PRKN: variants seen among roughly 807,000 people sequenced by gnomAD.
PRKN encodes parkin RBR E3 ubiquitin protein ligase.
Under a neutral mutation model 59.5 loss-of-function variants are expected in PRKN, and 56 were observed. The ratio of observed to expected loss-of-function variants is 0.94; its 90% CI spans 0.76 to 1.18. The LOEUF (loss-of-function observed/expected upper bound fraction) is 1.18, where lower values mean the gene tolerates loss of function less well. Among genes scored for constraint, PRKN ranks in the 50% most tolerant of loss-of-function variants. The pLI is 0.00. For missense variants in PRKN, 657 were observed against 596.4 expected, an observed-to-expected ratio of 1.10 and a Z score of -1.06; for synonymous variants, 250 against 222.1, an observed-to-expected ratio of 1.13 and a Z score of -1.12.
chr6:161,840,565 G>T (rs770456216), intron 6 of PRKN, among the ~76,000 whole-genome samples: 1 of 152,138 alleles, frequency 6.6e-6, no homozygotes, highest in Admixed American at 6.5e-5. Flanking sequence ...AGCCTAGTAC[G>T]TGTCAGTTAT....
At chr6:161,374,294 G>A (rs966208087) in intron 10 of PRKN, among the ~76,000 whole-genome samples, 5 of 151,390 alleles carry the variant, frequency 3.3e-5, no homozygotes, top group Admixed American at 1.3e-4. Flanking sequence ...ATGTGTGTGT[G>A]GTATATGTGG....
At chr6:162,142,752 G>A (rs1359918077) in intron 4 of PRKN, among the ~76,000 whole-genome samples, 1 of 152,166 alleles carries the variant, frequency 6.6e-6, no homozygotes, top group Non-Finnish European at 1.5e-5. Flanking sequence ...CACCTACCAT[G>A]CTGAGCACTT....
At chr6:162,021,433 C>T (rs1306109785) in intron 5 of PRKN, among the ~76,000 whole-genome samples, 1 of 102,486 alleles carries the variant, frequency 9.8e-6, no homozygotes, top group East Asian at 2.7e-4. Context: ...CCCGGCATTA[C>T]AGGGAATATA....
chr6:162,241,333 A>G (rs1328304252), intron 3 of PRKN, among the ~76,000 whole-genome samples: 6 of 152,174 alleles, frequency 3.9e-5, no homozygotes, highest in Admixed American at 6.5e-5. Flanking sequence ...TAACGCAAAC[A>G]GTATTTGAGA....
At chr6:161,465,532 A>G (rs1583104366) in intron 9 of PRKN, among the ~76,000 whole-genome samples, 1 of 150,408 alleles carries the variant, frequency 6.6e-6, no homozygotes, top group East Asian at 2.0e-4. Flanking sequence ...TTCTTTCCAT[A>G]TCATTCCATT....
At chr6:162,363,348 T>G (rs1352133650) in intron 2 of PRKN, among the ~76,000 whole-genome samples, 1 of 141,758 alleles carries the variant, frequency 7.1e-6, no homozygotes, top group Admixed American at 7.1e-5. Context: ...TGAAGTTCTG[T>G]GTTACTACTA....
At chr6:161,736,505 C>G (rs1018568279) in intron 7 of PRKN, among the ~76,000 whole-genome samples, 1 of 152,204 alleles carries the variant, frequency 6.6e-6, no homozygotes, top group Non-Finnish European at 1.5e-5. Flanking sequence ...GAGGGAGTTG[C>G]AACCAGCCTG....
intron 2 of PRKN, among the ~76,000 whole-genome samples, chr6:162,278,341 C>G (rs1780725294): frequency 6.6e-6 from 1 of 152,086 alleles, no homozygotes; most frequent in South Asian, 2.1e-4. Context: ...AGTGAAAATA[C>G]TCAGGGTGAT....
At chr6:161,675,703 A>C (rs367580502) in intron 7 of PRKN, among the ~76,000 whole-genome samples, 22 of 152,252 alleles carry the variant, frequency 1.4e-4, no homozygotes, top group African/African-American at 5.1e-4. Flanking sequence ...CTAACCTACT[A>C]TTCCACTTAT....
Position 161,369,442 on chromosome 6 carries a change from G to T in PRKN, c.1168-9237C>A, listed in dbSNP as rs898101730. On this transcript the variant is annotated intron_variant, in intron 10 of 11. Coordinates refer to ENST00000366898, the MANE Select transcript of PRKN (RefSeq NM_004562.3). This position sits in a 1 kb window ranked among gnomAD's most constrained non-coding sequence, Gnocchi z 5.8. ...CCTGAAGAGGAACATGGTGAGCTGGGTAACTTACCCTCTGTTCCCGCCTTA... is the reference window on the plus strand; with the variant it reads ...CCTGAAGAGGAACATGGTGAGCTGGTTAACTTACCCTCTGTTCCCGCCTTA... Among the ~76,000 whole-genome samples, 3 of 152,204 alleles carry T rather than the reference G, an allele frequency of 2.0e-5. No homozygotes were observed. Among genetic ancestry groups the T allele is most frequent in the Non-Finnish European group, 4.4e-5 (3 of 68,046 alleles).
intron 4 of PRKN, among the ~76,000 whole-genome samples, chr6:162,059,097 G>GT (rs1353348257): frequency 2.6e-5 from 4 of 151,760 alleles, no homozygotes; most frequent in Non-Finnish European, 5.9e-5. Flanking sequence ...TATCACAGAT[G>GT]TTTATTTTTT....
rs892134309 is a variant in PRKN at position 162,214,366 on chromosome 6, C to T, written c.413-13114G>A. On this transcript the variant is annotated intron_variant, in intron 3 of 11. Coordinates refer to ENST00000366898, the MANE Select transcript of PRKN (RefSeq NM_004562.3). ...CAGAAACCACAGCACAGACTGCCTC[C>T]TCTCCTTTCTTCAGGGTTGGATGGT... is the stretch of plus-strand genomic sequence containing the variant. Among the ~76,000 whole-genome samples, 10 of 152,278 alleles carry T rather than the reference C, an allele frequency of 6.6e-5. No homozygotes were observed. The East Asian group carries it at 1.9e-3, about 29-fold the overall frequency.
At chr6:161,366,316 C>T (rs1197941589) in intron 10 of PRKN, among the ~76,000 whole-genome samples, 2 of 152,118 alleles carry the variant, frequency 1.3e-5, no homozygotes, top group Non-Finnish European at 2.9e-5. Context: ...AAGAGGCACC[C>T]TCATGTCCAC....
intron 4 of PRKN, among the ~76,000 whole-genome samples, chr6:162,114,514 T>A (rs1241529448): frequency 6.6e-6 from 1 of 152,014 alleles, no homozygotes; most frequent in African/African-American, 2.4e-5. Flanking sequence ...TGGCTCTCTG[T>A]TTGTCTGTTG....
chr6:161,719,418 T>A (rs749026745), intron 7 of PRKN, among the ~76,000 whole-genome samples: 1 of 152,118 alleles, frequency 6.6e-6, no homozygotes, highest in East Asian at 1.9e-4. Flanking sequence ...ACAGGCTTTG[T>A]GGGGCTTGCA....
chr6:162,212,526 C>T (rs1785248185), intron 3 of PRKN, among the ~76,000 whole-genome samples: 1 of 152,150 alleles, frequency 6.6e-6, no homozygotes, highest in South Asian at 2.1e-4. Flanking sequence ...TTGTCTCTGC[C>T]TAAAGAAGAA....
chr6:161,726,814 C>A (rs999475703), intron 7 of PRKN, among the ~76,000 whole-genome samples: 3 of 152,172 alleles, frequency 2.0e-5, no homozygotes, highest in Non-Finnish European at 4.4e-5. Flanking sequence ...TCAGGAATCA[C>A]AACTCATTTT....
intron 1 of PRKN, among the ~76,000 whole-genome samples, chr6:162,523,348 T>C (rs976874589): frequency 2.0e-5 from 3 of 151,936 alleles, no homozygotes; most frequent in Non-Finnish European, 4.4e-5. Context: ...GTAGAAATAG[T>C]ATAAAAGAAA....
At chr6:162,223,612 GACACAC>G (rs34881644) in intron 3 of PRKN, among the ~76,000 whole-genome samples, 2,904 of 129,264 alleles carry the variant, frequency 0.022, 37 homozygotes, top group Middle Eastern at 0.062. Flanking sequence ...ATAGACACGT[GACACAC>G]ACACACACAC....
Sources: gnomAD v4.1 joint callset for allele counts (sites outside exome capture counted in the v4.1 genomes callset) on GRCh38, gnomAD v4.1.1 for gene constraint, Gnocchi (gnomAD v3.1) non-coding constraint, MANE v1.5 for transcripts, NCBI Gene and HGNC (gene_info 2026-07-23, HGNC 2026-07-21) for gene names.